The following BCR variants were observed in gnomAD, a reference collection of about 807,000 sequenced individuals.
BCR encodes the protein breakpoint cluster region protein.
Under a neutral mutation model 138.6 loss-of-function variants are expected in BCR, and 58 were observed. The ratio of observed to expected loss-of-function variants is 0.42; its 90% CI spans 0.34 to 0.52. The LOEUF is 0.52. BCR is among the 20% of genes least tolerant of loss of function. The pLI is 0.06. For synonymous variants in BCR, 786 were observed against 730.1 expected (o/e 1.08, Z -1.23); for missense variants, 1,599 against 1,727.2 (o/e 0.93, Z 1.32).
At chr22:23,257,561 G>A (rs1377652500) in intron 2 of BCR, among the ~76,000 whole-genome samples, 1 of 152,242 alleles carries the variant, frequency 6.6e-6, no homozygotes, top group Non-Finnish European at 1.5e-5. Context: ...CTGCCCAAGG[G>A]ACCCACCATT....
At position 23,242,440 on chromosome 22, in the gene BCR, C is replaced by G. The variant is rs560459418; in HGVS notation, c.1280-11359C>G. 1.2e-4 allele frequency among the ~76,000 whole-genome samples: 19 copies of G among 152,348 alleles called. 2 individuals are homozygous for G. The highest frequency in any genetic ancestry group is 6.8e-3 in the Middle Eastern group (2 of 294). On this transcript the variant is annotated intron_variant, in intron 1 of 22. Transcript: ENST00000305877. ...CTGAGTATAGCAAGAAACAGGTCAG[C>G]TAGCCCTTTCTGAAGCTGCAGCTCG...
chr22:23,181,517 G>C lies in BCR; in HGVS notation c.557G>C (p.Arg186Pro), dbSNP rs1406064823. The C allele has an allele frequency of 6.2e-7, 1 of 1,612,660 alleles. No homozygotes were observed. ...GTGAACGTCGAGTTTCACCACGAGCGCGGCCTGGTGAAGGTCAACGACAAA... is the reference window on the plus strand; with the variant it reads ...GTGAACGTCGAGTTTCACCACGAGCCCGGCCTGGTGAAGGTCAACGACAAA... ...FYVNVEFHHE[R>P]GLVKVNDKEV... Residue 186 changes from arginine (R) to proline (P), a missense_variant, in exon 1 of 23, where the codon CGC becomes CCC. Physicochemically the swap from Arg to Pro is moderately radical, Grantham distance 103. Coordinates refer to ENST00000305877, the MANE Select transcript of BCR (RefSeq NM_004327.4).
intron 1 of BCR, among the ~76,000 whole-genome samples, chr22:23,201,181 T>C (rs2072549662): frequency 6.6e-6 from 1 of 152,240 alleles, no homozygotes; most frequent in Non-Finnish European, 1.5e-5. Context: ...GTTTGTTTTT[T>C]GATGTCACAG....
At position 23,180,534 on chromosome 22, in the gene BCR, C is replaced by G. The variant is rs542797530; in HGVS notation, c.-427C>G. 2.7e-4 allele frequency: 50 copies of G among 183,148 alleles called. No homozygotes were observed. The highest frequency in any genetic ancestry group is 6.5e-5 in the Non-Finnish European group (6 of 91,826). 11.3% of individuals were successfully genotyped at this position (183,148 alleles called of 1,614,324 possible). On this transcript the variant is annotated 5_prime_UTR_variant, in exon 1 of 23. Coordinates refer to ENST00000305877, the MANE Select transcript of BCR (RefSeq NM_004327.4). ...GCAGAGTGCGGGCCGGGCGGGAGTG[C>G]GGCGAGAGCCGGCTGGCTGAGCTTA...
At chr22:23,271,717 CTCTT>C in intron 6 of BCR, 125 bp downstream of exon 6, 1 of 897,902 alleles carries the variant, frequency 1.1e-6, no homozygotes, top group Non-Finnish European at 1.8e-6. Context: ...TCCCTGTTCT[CTCTT>C]CAGATAGAGT....
intron 5 of BCR, among the ~76,000 whole-genome samples, chr22:23,269,393 C>T (rs1270617813): frequency 2.0e-5 from 3 of 152,206 alleles, no homozygotes; most frequent in Non-Finnish European, 4.4e-5. Context: ...GCAGAAAGCC[C>T]TCCGTGTGAG....
chr22:23,188,393 T>C (rs539254771), intron 1 of BCR, among the ~76,000 whole-genome samples: 2 of 152,354 alleles, frequency 1.3e-5, no homozygotes, highest in East Asian at 3.9e-4. Flanking sequence ...AGTTTGTTGC[T>C]TCTAGCTTTA....
At chr22:23,234,042 G>A (rs149880603) in intron 1 of BCR, among the ~76,000 whole-genome samples, 19 of 152,210 alleles carry the variant, frequency 1.2e-4, no homozygotes, top group African/African-American at 4.1e-4. Flanking sequence ...GCCCCAGGCC[G>A]AGTCCTCTGG....
intron 1 of BCR, among the ~76,000 whole-genome samples, chr22:23,233,377 C>T (rs1221783548): frequency 6.6e-6 from 1 of 152,198 alleles, no homozygotes. Flanking sequence ...ACAGAAGAGA[C>T]ACCACTGCTT....
chr22:23,308,159 G>A (rs1285698297), intron 16 of BCR, among the ~76,000 whole-genome samples: 1 of 151,712 alleles, frequency 6.6e-6, no homozygotes, highest in African/African-American at 2.4e-5. Flanking sequence ...AAGGCCAGAT[G>A]CAGTGGCCTT....
chr22:23,277,485 T>C (rs1370247884), intron 8 of BCR, among the ~76,000 whole-genome samples: 2 of 152,188 alleles, frequency 1.3e-5, no homozygotes, highest in East Asian at 3.8e-4. Flanking sequence ...GAGATGTCCC[T>C]TTTAGCTCCG....
At position 23,273,114 on chromosome 22, in the gene BCR, G is replaced by A; in HGVS notation, c.1955G>A (p.Arg652Lys). Residue 652 changes from arginine to lysine, a missense_variant, in exon 7 of 23, where the codon AGG becomes AAG. This residue lies in a region of BCR where 590 missense variants were observed against 762.4 expected (regional missense o/e 0.77). Coordinates refer to ENST00000305877, the MANE Select transcript of BCR (RefSeq NM_004327.4). Reference sequence around the variant, plus strand: ...TACAAGCCTGTGGACCGTGTGACGAGGAGCACGCTGGTCCTCCATGTAAGT... The same window carrying A: ...TACAAGCCTGTGGACCGTGTGACGAAGAGCACGCTGGTCCTCCATGTAAGT... Reference protein sequence around the residue: ...LLYKPVDRVTRSTLVLHDLLK... With the variant: ...LLYKPVDRVTKSTLVLHDLLK... 4 of 1,613,546 alleles carry A rather than the reference G, an allele frequency of 2.5e-6. No homozygotes were observed. The highest frequency in any genetic ancestry group is 3.4e-6 in the Non-Finnish European group (4 of 1,179,724).
chr22:23,270,628 G>C (rs2073499439), intron 5 of BCR, among the ~76,000 whole-genome samples: 1 of 152,222 alleles, frequency 6.6e-6, no homozygotes, highest in Admixed American at 6.5e-5. Context: ...TGGCCCCAGT[G>C]AGCTGGAAAA....
In BCR at chr22:23,188,640, C is replaced by T. The variant is rs1601993022; in HGVS notation, c.1279+6401C>T. On this transcript the variant is annotated intron_variant, in intron 1 of 22. Transcript: ENST00000305877. ...TTTCTCAGGTTACCAAAGAGTAGGT[C>T]TGAGTTTTGGCTGAGGCTGCTGCTT... is the stretch of plus-strand genomic sequence containing the variant. 7.9e-5 allele frequency among the ~76,000 whole-genome samples: 12 copies of T among 152,106 alleles called. No homozygotes were observed. The South Asian group carries it at 2.5e-3, about 32-fold the overall frequency.
In BCR at chr22:23,181,938, C is replaced by T. The variant is rs1601982222; in HGVS notation, c.978C>T (p.Gly326=). 6.2e-7 allele frequency: 1 copy of T among 1,612,868 alleles called. No individual in the cohort carries two copies. The highest frequency in any genetic ancestry group is 8.5e-7 in the Non-Finnish European group (1 of 1,179,860). ...CCCGGAGTTTTGAGGATTGCGGAGG[C>T]GGCTATACCCCGGACTGCAGCTCCA... ...YSPRSFEDCG[G]GYTPDCSSNE... The change falls in exon 1 of 23, where the codon GGC becomes GGT. Residue 326 remains glycine, a synonymous_variant. Coordinates refer to ENST00000305877, the MANE Select transcript of BCR (RefSeq NM_004327.4).
intron 8 of BCR, among the ~76,000 whole-genome samples, chr22:23,279,177 G>A (rs2073613043): frequency 6.6e-6 from 1 of 152,212 alleles, no homozygotes; most frequent in African/African-American, 2.4e-5. Context: ...CACCCTGACT[G>A]TGGCTGTCAG....
chr22:23,225,519 A>G (rs570495465), intron 1 of BCR, among the ~76,000 whole-genome samples: 6 of 152,324 alleles, frequency 3.9e-5, no homozygotes, highest in African/African-American at 1.4e-4. Context: ...AGTCTCCTTC[A>G]GTCTGCATTG....
chr22:23,314,139 C>A, intron 21 of BCR, 66 bp downstream of exon 21: 2 of 1,249,432 alleles, frequency 1.6e-6, no homozygotes, highest in South Asian at 1.2e-5. Context: ...CCCCTCTGCT[C>A]CCACTAGACC....
Position 23,236,722 on chromosome 22 carries a change from C to T in BCR, c.1280-17077C>T, listed in dbSNP as rs143395413. Among the ~76,000 whole-genome samples, 589 of 152,348 alleles carry T rather than the reference C, an allele frequency of 3.9e-3. 2 individuals are homozygous for T. Among genetic ancestry groups the T allele is most frequent in the Non-Finnish European group, 6.8e-3 (464 of 68,032 alleles). ...GTGGGATGTGACTGGGTGTCTGTTG[C>T]TCTCCTTGGCAGGTGCCTGCCCTGG... is the stretch of plus-strand genomic sequence containing the variant. On this transcript the variant is annotated intron_variant, in intron 1 of 22. Coordinates refer to ENST00000305877, the MANE Select transcript of BCR (RefSeq NM_004327.4).
Sources: gnomAD v4.1 joint callset for allele counts (sites outside exome capture counted in the v4.1 genomes callset) on GRCh38, gnomAD v4.1.1 for gene constraint, gnomAD v4.1.1 regional missense constraint, MANE v1.5 for transcripts, NCBI Gene and HGNC (gene_info 2026-07-23, HGNC 2026-07-21) for gene names.